The following UGT2A3 variants were observed in gnomAD, a reference collection of about 807,000 sequenced individuals.
UGT2A3 encodes the protein UDP glucuronosyltransferase family 2 member A3.
A neutral mutation model predicts 44.1 loss-of-function variants in UGT2A3; 55 were observed. The observed-to-expected ratio is 1.25, with a 90% CI of 1.00 to 1.56. The LOEUF (loss-of-function observed/expected upper bound fraction) is 1.56, where lower values mean the gene tolerates loss of function less well. Ranked by LOEUF, UGT2A3 falls within the 40% of genes most tolerant of loss-of-function variation. UGT2A3 has a pLI of 0.00. For missense variants in UGT2A3, 733 were observed against 621.6 expected (o/e 1.18, Z -1.91); for synonymous variants, 243 against 215.1 (o/e 1.13, Z -1.13).
intron 2 of UGT2A3, among the ~76,000 whole-genome samples, chr4:68,942,504 GATAT>G (rs34118122): frequency 6.9e-4 from 90 of 131,002 alleles, no homozygotes; most frequent in African/African-American, 2.5e-3. Context: ...TTCCACTGGA[GATAT>G]ATATATATAT....
intron 3 of UGT2A3, among the ~76,000 whole-genome samples, chr4:68,931,512 T>C (rs1184667868): frequency 6.6e-6 from 1 of 151,970 alleles, no homozygotes; most frequent in East Asian, 1.9e-4. Context: ...AGTGAATATT[T>C]AAAAAAATAA....
chr4:68,934,690 C>CCATCTCTA lies in UGT2A3; in HGVS notation c.865-1939_865-1932dup, dbSNP rs370314730. On this transcript the variant is annotated intron_variant, in intron 2 of 5. Coordinates refer to ENST00000251566, the MANE Select transcript of UGT2A3 (RefSeq NM_024743.4). ...AGATTGAGAATAGCTTAGTAAGAAC[C>CCATCTCTA]CATCTCTACAAAATTTGAAATAAAT... 5.4e-3 allele frequency among the ~76,000 whole-genome samples: 823 copies of CCATCTCTA among 151,876 alleles called. 9 individuals are homozygous for CCATCTCTA. The highest frequency in any genetic ancestry group is 0.019 in the African/African-American group (785 of 41,476).
In UGT2A3 at chr4:68,951,351, T is replaced by G. The variant is rs1384694359; in HGVS notation, c.410A>C (p.Lys137Thr). 1.2e-6 allele frequency: 2 copies of G among 1,612,752 alleles called. No homozygotes were observed. The highest frequency in any genetic ancestry group is 8.5e-7 in the Non-Finnish European group (1 of 1,179,282). The change falls in exon 1 of 6, where the codon AAG becomes ACG. Residue 137 changes from lysine to threonine, a missense_variant. Physicochemically the swap from Lys to Thr is moderately conservative, Grantham distance 78. Transcript: ENST00000251566. ...TACATCGTAGTTGGTTTCCTGTAGCTTCTTCATAAGCGTCTGATTGTAGAT... is the reference window on the plus strand; with the variant it reads ...TACATCGTAGTTGGTTTCCTGTAGCGTCTTCATAAGCGTCTGATTGTAGAT... ...SFIYNQTLMK[K>T]LQETNYDVML...
chr4:68,949,016 G>T (rs780372789), intron 1 of UGT2A3, among the ~76,000 whole-genome samples: 2 of 151,728 alleles, frequency 1.3e-5, no homozygotes, highest in Non-Finnish European at 2.9e-5. Context: ...AAAGAAGGTG[G>T]ATGTTCCTGG....
chr4:68,942,614 T>C (rs1373703755), intron 2 of UGT2A3, among the ~76,000 whole-genome samples: 1 of 150,396 alleles, frequency 6.6e-6, no homozygotes, highest in African/African-American at 2.4e-5. Flanking sequence ...CTGTCATTTG[T>C]AGAAACATGA....
chr4:68,941,013 G>A (rs1022165157), intron 2 of UGT2A3, among the ~76,000 whole-genome samples: 4 of 151,676 alleles, frequency 2.6e-5, no homozygotes, highest in Non-Finnish European at 5.9e-5. Context: ...CATGGAAGCA[G>A]ATCCCTCATG....
intron 1 of UGT2A3, among the ~76,000 whole-genome samples, chr4:68,950,577 T>C (rs1718546114): frequency 6.6e-6 from 1 of 151,894 alleles, no homozygotes; most frequent in African/African-American, 2.4e-5. Context: ...CTTTTTATAA[T>C]ATTTTTTCAA....
chr4:68,931,124 A>G, intron 4 of UGT2A3, 31 bp downstream of exon 4: 1 of 1,532,378 alleles, frequency 6.5e-7, no homozygotes, highest in Non-Finnish European at 8.9e-7. Context: ...TTCCTCGTCT[A>G]GTTCATATTT....
At chr4:68,942,504 G>GATATATATATATATACAT (rs1247401024) in intron 2 of UGT2A3, among the ~76,000 whole-genome samples, 1 of 131,024 alleles carries the variant, frequency 7.6e-6, no homozygotes, top group East Asian at 2.3e-4. Context: ...TTCCACTGGA[G>GATATATATATATATACAT]ATATATATAT....
chr4:68,949,302 T>G (rs1156758680), intron 1 of UGT2A3, among the ~76,000 whole-genome samples: 1 of 151,848 alleles, frequency 6.6e-6, no homozygotes, highest in Non-Finnish European at 1.5e-5. Context: ...CTGGAACATT[T>G]AGAAGTCATT....
chr4:68,931,241 A>G lies in UGT2A3; in HGVS notation c.998T>C (p.Val333Ala). Reference sequence around the variant, plus strand: ...TTTTTTTCCTTTGTACCTCCATAACACCTACGGAAGAAACACATGTATTTC... The same window carrying G: ...TTTTTTTCCTTTGTACCTCCATAACGCCTACGGAAGAAACACATGTATTTC... ...ASALAQIPQK[V>A]LWRYKGKKPS... Residue 333 changes from valine (V) to alanine (A), a missense_variant and splice_region_variant, in exon 4 of 6, where the codon GTG (valine) becomes GCG (alanine). Coordinates refer to ENST00000251566, the MANE Select transcript of UGT2A3 (RefSeq NM_024743.4). 6.2e-7 allele frequency: 1 copy of G among 1,611,686 alleles called. No homozygotes were observed. The highest frequency in any genetic ancestry group is 8.5e-7 in the Non-Finnish European group (1 of 1,178,528).
rs139722369 is a variant in UGT2A3, at chr4:68,945,656, A to G, written c.716-202T>C. Among the ~76,000 whole-genome samples the G allele has an allele frequency of 4.8e-3, 726 of 150,854 alleles. 9 individuals carry two copies. The highest frequency in any genetic ancestry group is 0.017 in the African/African-American group (698 of 41,232). ...AAGGAAAAAAGAAGGAAGGACAGAG[A>G]AAGAAAGGAGGGAAGGAAGAAAGGA... On this transcript the variant is annotated intron_variant, in intron 1 of 5. Transcript: ENST00000251566.
intron 2 of UGT2A3, among the ~76,000 whole-genome samples, chr4:68,939,947 A>T (rs941985283): frequency 6.6e-6 from 1 of 152,216 alleles, no homozygotes; most frequent in Non-Finnish European, 1.5e-5. Context: ...ACATGAAAAA[A>T]TGCTCATCAT....
intron 1 of UGT2A3, among the ~76,000 whole-genome samples, chr4:68,948,430 C>CTTTTTCTTCTTTTTTTT (rs772753904): frequency 2.9e-5 from 2 of 69,706 alleles, no homozygotes; most frequent in Admixed American, 1.5e-4. Context: ...TTTTTCTTTT[C>CTTTTTCTTCTTTTTTTT]TTTTTTTTCT....
Position 68,951,409 on chromosome 4 carries a change from T to G in UGT2A3, c.352A>C (p.Arg118=), listed in dbSNP as rs1009974181. 6.2e-7 allele frequency: 1 copy of G among 1,611,722 alleles called. No individual in the cohort carries two copies. The stretch of plus-strand genomic sequence containing the variant: ...TCACACATCATTTTTAAAGTTCCTC[T>G]TATTTCAACAAAAAAATCATTTAAT... ...IKLNDFFVEI[R]GTLKMMCESF... is the part of the protein sequence containing the mutation. Residue 118 remains arginine, a synonymous_variant, in exon 1 of 6, where the codon AGA becomes CGA. Transcript: ENST00000251566.
chr4:68,943,568 G>A (rs1243412364), intron 2 of UGT2A3, among the ~76,000 whole-genome samples: 1 of 151,700 alleles, frequency 6.6e-6, no homozygotes, highest in Non-Finnish European at 1.5e-5. Flanking sequence ...GGTAAACCCA[G>A]TATTGTTACC....
At chr4:68,931,602 G>A (rs572200541) in intron 3 of UGT2A3, among the ~76,000 whole-genome samples, 1 of 151,918 alleles carries the variant, frequency 6.6e-6, no homozygotes, top group Non-Finnish European at 1.5e-5. Context: ...TTAACTCATG[G>A]AGCCAATCTC....
chr4:68,944,946 G>A (rs1718329994), intron 2 of UGT2A3, among the ~76,000 whole-genome samples: 1 of 151,530 alleles, frequency 6.6e-6, no homozygotes, highest in African/African-American at 2.4e-5. Flanking sequence ...GCTTATTTCT[G>A]TACTATCATG....
In UGT2A3 at chr4:68,929,060, T is replaced by C. The variant is rs550705959; in HGVS notation, c.*753A>G. The C allele has an allele frequency of 3.5e-4, 36 of 103,236 alleles. No homozygotes were observed. The highest frequency in any genetic ancestry group is 1.0e-3 in the African/African-American group (36 of 35,826). The allele number at this position is 103,236 out of a possible 1,614,324, so 6.4% of individuals were successfully genotyped here. A position where few individuals can be genotyped will look rare whatever the true frequency, so the allele number is the denominator to read the frequency against. On this transcript the variant is annotated 3_prime_UTR_variant, in exon 6 of 6. Coordinates refer to ENST00000251566, the MANE Select transcript of UGT2A3 (RefSeq NM_024743.4). ...AGTAATTATCACCACATATTTCAAA[T>C]AGTTACTAATCCCAAAAATAATCTG...
Sources: allele counts gnomAD v4.1 joint callset (sites outside exome capture counted in the v4.1 genomes callset), GRCh38; gene constraint gnomAD v4.1.1; transcripts MANE v1.5; gene names NCBI Gene and HGNC (gene_info 2026-07-23, HGNC 2026-07-21).